Variants in KCTD16 observed in about 807,000 individuals in gnomAD.
The protein encoded by KCTD16 is BTB/POZ domain-containing protein KCTD16.
Under a neutral mutation model 33.2 loss-of-function variants are expected in KCTD16, and 13 were observed. The observed-to-expected ratio is 0.39, with a 90% CI of 0.25 to 0.62. The LOEUF (loss-of-function observed/expected upper bound fraction) is 0.62, where lower values mean the gene tolerates loss of function less well. KCTD16 is among the 20% of genes least tolerant of loss of function. The pLI is 0.50. For synonymous variants in KCTD16, 197 were observed against 195.3 expected (o/e 1.01, Z -0.07); for missense variants, 441 against 525.1 (o/e 0.84, Z 1.57).
At chr5:144,282,388 A>T (rs1755630860) in intron 3 of KCTD16, among the ~76,000 whole-genome samples, 1 of 152,004 alleles carries the variant, frequency 6.6e-6, no homozygotes, top group South Asian at 2.1e-4. Flanking sequence ...CTGGCTGTTT[A>T]TCTACATTCT....
chr5:144,410,111 A>G (rs1407692229), intron 3 of KCTD16, among the ~76,000 whole-genome samples: 1 of 152,182 alleles, frequency 6.6e-6, no homozygotes. Context: ...TTGCAGTTAG[A>G]ATGGCTGGAT....
At chr5:144,403,340 C>T (rs1381354750) in intron 3 of KCTD16, among the ~76,000 whole-genome samples, 1 of 152,058 alleles carries the variant, frequency 6.6e-6, no homozygotes, top group Non-Finnish European at 1.5e-5. Context: ...TGGGCCTAAT[C>T]CAATGCATGG....
chr5:144,467,702 T>G (rs1301412562), intron 3 of KCTD16, among the ~76,000 whole-genome samples: 1 of 151,686 alleles, frequency 6.6e-6, no homozygotes, highest in African/African-American at 2.4e-5. Context: ...AGTGAGGTGA[T>G]TTTTTGTTTG....
At chr5:144,365,306 A>G (rs976348609) in intron 3 of KCTD16, among the ~76,000 whole-genome samples, 10 of 152,104 alleles carry the variant, frequency 6.6e-5, no homozygotes, top group African/African-American at 2.2e-4. Flanking sequence ...TTATACAGTC[A>G]AGTCCTCTAA....
Position 144,478,884 on chromosome 5 carries a change from A to C in KCTD16, c.*4770A>C, listed in dbSNP as rs1313868055. The C allele has an allele frequency of 6.6e-6, 1 of 151,950 alleles. No homozygotes were observed. The highest frequency in any genetic ancestry group is 6.6e-5 in the Admixed American group (1 of 15,228). The allele number at this position is 151,950 out of a possible 1,614,324, so 9.4% of individuals were successfully genotyped here. A position where few individuals can be genotyped will look rare whatever the true frequency, so the allele number is the denominator to read the frequency against. On this transcript the variant is annotated 3_prime_UTR_variant, in exon 4 of 4. Coordinates refer to ENST00000512467, the MANE Select transcript of KCTD16 (RefSeq NM_020768.4). ...TTTGCCATTTCATCTGCTGTCTGTC[A>C]ACCATAACCCTTTCTCCATATTGTG...
chr5:144,244,923 A>G (rs1408506749), intron 3 of KCTD16, among the ~76,000 whole-genome samples: 1 of 152,214 alleles, frequency 6.6e-6, no homozygotes. Flanking sequence ...TCATGGGTGA[A>G]CTGTAACATC....
Position 144,284,322 on chromosome 5 carries a change from T to C in KCTD16, c.832+76776T>C, listed in dbSNP as rs555421539. Among the ~76,000 whole-genome samples the C allele has an allele frequency of 2.0e-5, 3 of 152,240 alleles. No individual in the cohort carries two copies. In the East Asian group the frequency reaches 5.8e-4, roughly 29 times the overall value. ...TCCTGCAGGCATAGGAAGAGAGCAT[T>C]GATTCTGGAAAGACAAAACAAGAGC... On this transcript the variant is annotated intron_variant, in intron 3 of 3. Coordinates refer to ENST00000512467, the MANE Select transcript of KCTD16 (RefSeq NM_020768.4).
At chr5:144,409,388 G>C (rs1005851333) in intron 3 of KCTD16, among the ~76,000 whole-genome samples, 8 of 152,112 alleles carry the variant, frequency 5.3e-5, no homozygotes, top group Admixed American at 1.3e-4. Flanking sequence ...TATACAAGTA[G>C]TTTCTACTGA....
intron 3 of KCTD16, among the ~76,000 whole-genome samples, chr5:144,296,410 C>A (rs1343238903): frequency 6.6e-6 from 1 of 152,164 alleles, no homozygotes; most frequent in East Asian, 1.9e-4. Context: ...AACTCTCATT[C>A]AAACAGAGCA....
At chr5:144,409,682 A>AC (rs1306433166) in intron 3 of KCTD16, among the ~76,000 whole-genome samples, 1 of 152,024 alleles carries the variant, frequency 6.6e-6, no homozygotes. Context: ...ACATTGTGAA[A>AC]CCCCATCTCT....
intron 3 of KCTD16, among the ~76,000 whole-genome samples, chr5:144,364,715 G>A (rs1459327944): frequency 6.6e-6 from 1 of 152,192 alleles, no homozygotes; most frequent in African/African-American, 2.4e-5. Context: ...AACCAATAAT[G>A]TGAAAACTGG....
chr5:144,252,507 A>T (rs1488308809), intron 3 of KCTD16, among the ~76,000 whole-genome samples: 6 of 152,226 alleles, frequency 3.9e-5, no homozygotes, highest in Non-Finnish European at 5.9e-5. Context: ...AATAATAAAT[A>T]GAAATGTCAC....
At chr5:144,317,328 T>C (rs535090700) in intron 3 of KCTD16, among the ~76,000 whole-genome samples, 1 of 152,130 alleles carries the variant, frequency 6.6e-6, no homozygotes, top group South Asian at 2.1e-4. Context: ...GAAGGTGCTG[T>C]TATTTTCACT....
chr5:144,177,892 A>G (rs1435783366), intron 2 of KCTD16, among the ~76,000 whole-genome samples: 1 of 152,198 alleles, frequency 6.6e-6, no homozygotes, highest in Non-Finnish European at 1.5e-5. Context: ...TGCTACACAC[A>G]TGCTCGAAAG....
chr5:144,384,287 T>C (rs896207329), intron 3 of KCTD16: 1 of 152,168 alleles, frequency 6.6e-6, no homozygotes, highest in African/African-American at 2.4e-5. Flanking sequence ...TTGGCACCCT[T>C]ATAGCTTTGA....
At chr5:144,344,447 C>T (rs1421133711) in intron 3 of KCTD16, among the ~76,000 whole-genome samples, 4 of 149,062 alleles carry the variant, frequency 2.7e-5, no homozygotes, top group Non-Finnish European at 5.9e-5. Context: ...ATTTTCGCAA[C>T]CTACTCATCT....
chr5:144,305,335 T>G (rs10052045), intron 3 of KCTD16, among the ~76,000 whole-genome samples: 32,815 of 152,108 alleles, frequency 0.22, 3,959 homozygotes, highest in Non-Finnish European at 0.28. Flanking sequence ...GGTGAAGCCC[T>G]AACCCTCAAT....
intron 3 of KCTD16, among the ~76,000 whole-genome samples, chr5:144,210,707 A>C (rs1753359513): frequency 6.6e-6 from 1 of 152,164 alleles, no homozygotes; most frequent in African/African-American, 2.4e-5. Flanking sequence ...ACCAAATGAC[A>C]GGTGCATGGA....
chr5:144,453,300 C>T (rs1276851380), intron 3 of KCTD16, among the ~76,000 whole-genome samples: 1 of 152,140 alleles, frequency 6.6e-6, no homozygotes, highest in East Asian at 1.9e-4. Context: ...CTGTCTTAGT[C>T]TCATCACTTT....
Sources: gnomAD v4.1 joint callset for allele counts (sites outside exome capture counted in the v4.1 genomes callset) on GRCh38, gnomAD v4.1.1 for gene constraint, MANE v1.5 for transcripts, NCBI Gene and HGNC (gene_info 2026-07-23, HGNC 2026-07-21) for gene names.